The following IGSF10 variants were observed in gnomAD, a reference collection of about 807,000 sequenced individuals.
The protein encoded by IGSF10 is immunoglobulin superfamily member 10, also known as calvaria mechanical force protein 608.
A neutral mutation model predicts 128.2 loss-of-function variants in IGSF10; 126 were observed. The observed-to-expected ratio is 0.98, with a 90% CI of 0.85 to 1.14. The LOEUF is 1.14. IGSF10 is among the 50% of genes most tolerant of loss of function. IGSF10 has a pLI of 0.00. For missense variants in IGSF10, 3,295 were observed against 3,149.8 expected, an observed-to-expected ratio of 1.05 and a Z score of -1.10; for synonymous variants, 1,185 against 1,146.2, an observed-to-expected ratio of 1.03 and a Z score of -0.68.
At chr3:151,496,276 C>T in the IGSF10 span, among the ~76,000 whole-genome samples, 1 of 151,468 alleles carries the variant, frequency 6.6e-6, no homozygotes, top group Admixed American at 6.6e-5. Flanking sequence ...TATACATGTG[C>T]CATGTTGGTG....
the IGSF10 span, among the ~76,000 whole-genome samples, chr3:151,497,031 T>A: frequency 3.5e-4 from 53 of 152,308 alleles, no homozygotes; most frequent in Non-Finnish European, 6.6e-4. Flanking sequence ...GGGTTGTTTT[T>A]TTCTTGTAAA....
At chr3:151,506,010 G>A in the IGSF10 span, among the ~76,000 whole-genome samples, 1 of 151,686 alleles carries the variant, frequency 6.6e-6, no homozygotes, top group Non-Finnish European at 1.5e-5. Flanking sequence ...AAGTACAGTG[G>A]TGTTGATCTC....
the IGSF10 span, among the ~76,000 whole-genome samples, chr3:151,604,660 A>T: frequency 2.8e-3 from 426 of 151,770 alleles, 2 homozygotes; most frequent in African/African-American, 0.01. Context: ...ATCTATATAT[A>T]TTTTTACTGT....
chr3:151,593,454 C>A, the IGSF10 span, among the ~76,000 whole-genome samples: 1 of 151,988 alleles, frequency 6.6e-6, no homozygotes, highest in Non-Finnish European at 1.5e-5. Flanking sequence ...TAGGTAGAGG[C>A]TGCTACCACC....
chr3:151,614,005 G>A, the IGSF10 span, among the ~76,000 whole-genome samples: 1 of 152,114 alleles, frequency 6.6e-6, no homozygotes, highest in Admixed American at 6.5e-5. Flanking sequence ...CAAAAAGTGG[G>A]CAAAGGATAT....
chr3:151,457,610 A>C lies in IGSF10; in HGVS notation c.195-455T>G, dbSNP rs58354412. Reference sequence around the variant, plus strand: ...CTCGTTTGGGTATGATTACGAGCTCAGGCTCAACAGAGTAGTGGTACAACC... The same window carrying C: ...CTCGTTTGGGTATGATTACGAGCTCCGGCTCAACAGAGTAGTGGTACAACC... On this transcript the variant is annotated intron_variant, in intron 3 of 7. Coordinates refer to ENST00000282466, the MANE Select transcript of IGSF10 (RefSeq NM_178822.5). Among the ~76,000 whole-genome samples the C allele has an allele frequency of 8.0e-3, 1,224 of 152,276 alleles. 18 individuals are homozygous for C. The highest frequency in any genetic ancestry group is 0.028 in the African/African-American group (1,151 of 41,550).
At position 151,436,649 on chromosome 3, in the gene IGSF10, A is replaced by G. The variant is rs1235013441; in HGVS notation, c.*40T>C. ...CCTTTGATTAAACTTCTTCCAAAAA[A>G]TAAATTCTGCCCAGATGTTGTTGAC... is the stretch of plus-strand genomic sequence containing the variant. On this transcript the variant is annotated 3_prime_UTR_variant, in exon 8 of 8. Transcript: ENST00000282466. The G allele has an allele frequency of 6.9e-7, 1 of 1,440,186 alleles. No homozygotes were observed. Among genetic ancestry groups the G allele is most frequent in the Non-Finnish European group, 9.4e-7 (1 of 1,060,578 alleles). 89.2% of individuals were successfully genotyped at this position (1,440,186 alleles called of 1,614,324 possible). A position where few individuals can be genotyped will look rare whatever the true frequency, so the allele number is the denominator to read the frequency against.
chr3:151,463,541 T>TTG (rs1722156610), upstream of IGSF10, among the ~76,000 whole-genome samples: 2 of 108,612 alleles, frequency 1.8e-5, no homozygotes, highest in East Asian at 3.9e-4. Context: ...TTTTTTTTTT[T>TTG]TTTTTTTTTT....
chr3:151,594,251 T>C, the IGSF10 span, among the ~76,000 whole-genome samples: 1 of 152,028 alleles, frequency 6.6e-6, no homozygotes, highest in Admixed American at 6.6e-5. Context: ...AGATACTGTC[T>C]GTGAATGTAA....
At chr3:151,449,360 A>G in intron 5 of IGSF10, 95 bp from the exon 6 acceptor site, 1 of 1,267,830 alleles carries the variant, frequency 7.9e-7, no homozygotes, top group South Asian at 1.6e-5. Context: ...AGCTGAAACA[A>G]TTTGGAAATT....
At chr3:151,511,010 G>A in the IGSF10 span, among the ~76,000 whole-genome samples, 23 of 152,210 alleles carry the variant, frequency 1.5e-4, no homozygotes, top group African/African-American at 3.9e-4. Flanking sequence ...AAAGTGATGC[G>A]GAGAATGGAA....
At chr3:151,495,865 T>A in the IGSF10 span, among the ~76,000 whole-genome samples, 1 of 152,140 alleles carries the variant, frequency 6.6e-6, no homozygotes, top group African/African-American at 2.4e-5. Flanking sequence ...AATATGTACA[T>A]CTGCACCAGG....
the IGSF10 span, among the ~76,000 whole-genome samples, chr3:151,497,788 A>G: frequency 1.3e-5 from 2 of 152,192 alleles, no homozygotes; most frequent in East Asian, 3.9e-4. Flanking sequence ...TTTTCACGAT[A>G]TTGACTCTTC....
chr3:151,546,813 C>T, the IGSF10 span, among the ~76,000 whole-genome samples: 2 of 152,068 alleles, frequency 1.3e-5, no homozygotes, highest in South Asian at 2.1e-4. Flanking sequence ...TCTTGTTGCC[C>T]AGGCTGAAGC....
the IGSF10 span, among the ~76,000 whole-genome samples, chr3:151,545,482 C>T: frequency 6.6e-6 from 1 of 152,152 alleles, no homozygotes; most frequent in Non-Finnish European, 1.5e-5. Flanking sequence ...AAATAATAGG[C>T]TTTCTATCAC....
the IGSF10 span, among the ~76,000 whole-genome samples, chr3:151,571,876 T>C: frequency 8.5e-5 from 13 of 152,190 alleles, no homozygotes; most frequent in Admixed American, 4.6e-4. Flanking sequence ...ATAGCTCTTA[T>C]TATTTTGAGA....
chr3:151,553,025 A>C, the IGSF10 span, among the ~76,000 whole-genome samples: 3 of 152,190 alleles, frequency 2.0e-5, no homozygotes, highest in Non-Finnish European at 4.4e-5. Flanking sequence ...TAATAAAATT[A>C]AAAAATACAT....
At chr3:151,491,880 T>C in the IGSF10 span, among the ~76,000 whole-genome samples, 3 of 152,186 alleles carry the variant, frequency 2.0e-5, no homozygotes, top group African/African-American at 7.2e-5. Context: ...TAAAAATTGA[T>C]ATAAAAACCT....
intron 7 of IGSF10, 78 bp from the exon 8 acceptor site, chr3:151,438,675 C>G (rs1037802720): frequency 6.5e-6 from 7 of 1,068,846 alleles, no homozygotes; most frequent in African/African-American, 3.2e-5. Context: ...TTGCCTCCCT[C>G]TGCCCCAGCT....
Sources: gnomAD v4.1 joint callset for allele counts (sites outside exome capture counted in the v4.1 genomes callset) on GRCh38, gnomAD v4.1.1 for gene constraint, MANE v1.5 for transcripts, NCBI Gene and HGNC (gene_info 2026-07-23, HGNC 2026-07-21) for gene names.